CYFIP2: variants seen among roughly 807,000 people sequenced by gnomAD.
CYFIP2 encodes the protein cytoplasmic FMR1 interacting protein 2.
A neutral mutation model predicts 158.7 loss-of-function variants in CYFIP2; 29 were observed. The ratio of observed to expected loss-of-function variants is 0.18; its 90% CI spans 0.14 to 0.25. The LOEUF (loss-of-function observed/expected upper bound fraction) is 0.25. Among genes scored for constraint, CYFIP2 ranks in the 10% least tolerant of loss-of-function variants. CYFIP2 has a pLI of 1.00. For missense variants in CYFIP2, 852 were observed against 1,639.5 expected (o/e 0.52, Z 8.29); for synonymous variants, 585 against 617.6 (o/e 0.95, Z 0.78).
At chr5:157,270,178 G>A (rs1180182226) in intron 1 of CYFIP2, among the ~76,000 whole-genome samples, 1 of 152,222 alleles carries the variant, frequency 6.6e-6, no homozygotes, top group Non-Finnish European at 1.5e-5. Context: ...GACTTCATCA[G>A]TAGACCTTTT....
rs905620014 is a variant in CYFIP2, at chr5:157,395,077, C to T, written c.*2077C>T. ...TGAGATTTCTATTTCAATAACCCAC[C>T]TCTCTCACCCCACATTCATATCCCT... On this transcript the variant is annotated 3_prime_UTR_variant, in exon 31 of 31. Transcript: ENST00000620254. The T allele has an allele frequency of 1.3e-5, 2 of 155,844 alleles. No individual in the cohort carries two copies. The highest frequency in any genetic ancestry group is 2.8e-5 in the Non-Finnish European group (2 of 70,866). The allele number at this position is 155,844 out of a possible 1,614,324, so 9.7% of individuals were successfully genotyped here.
In CYFIP2 at chr5:157,325,547, A is replaced by G; in HGVS notation, c.1891A>G (p.Met631Val). ...WFREFFLELT[M>V]GRRIQFPIEM... is the part of the protein sequence containing the mutation. ...CCGAGAATTCTTCCTGGAGTTAACC[A>G]TGGGCCGACGAATCCAGTTCCCCAT... Residue 631 changes from methionine (M) to valine (V), a missense_variant, in exon 17 of 31, where the codon ATG becomes GTG. Around this residue, in one of 8 missense-constraint regions of CYFIP2, gnomAD observed 167 missense variants for 343.3 expected, o/e 0.49. Coordinates refer to ENST00000620254, the MANE Select transcript of CYFIP2 (RefSeq NM_001037333.3). The G allele has an allele frequency of 6.2e-7, 1 of 1,613,480 alleles. No individual in the cohort carries two copies. Among genetic ancestry groups the G allele is most frequent in the Non-Finnish European group, 8.5e-7 (1 of 1,179,688 alleles).
At chr5:157,389,164 G>T in intron 28 of CYFIP2, 25 bp from the exon 29 acceptor site, 1 of 1,579,170 alleles carries the variant, frequency 6.3e-7, no homozygotes. Flanking sequence ...GTGGATAGAA[G>T]GTGTATGTGC....
intron 15 of CYFIP2, chr5:157,323,020 T>G: frequency 6.5e-7 from 1 of 1,535,992 alleles, no homozygotes; most frequent in Non-Finnish European, 8.7e-7. Context: ...ATCCCTGGTA[T>G]CACACCGCCT....
In CYFIP2 at chr5:157,304,315, C is replaced by G; in HGVS notation, c.744C>G (p.Tyr248Ter). The change falls in exon 8 of 31, where the codon TAC becomes TAG. Residue 248 changes from tyrosine to a stop codon, truncating the protein, a stop_gained. Transcript: ENST00000620254. LOFTEE classifies it high-confidence loss of function. ...ACATTGTCAACATCTGTGTGGATTA[C>G]TACGAGAACAAGATGTACCTGACTC... ...LADIVNICVD[Y>*]YENKMYLTPS... The G allele has an allele frequency of 6.2e-7, 1 of 1,614,000 alleles. No individual in the cohort carries two copies. Among genetic ancestry groups the G allele is most frequent in the Non-Finnish European group, 8.5e-7 (1 of 1,179,894 alleles).
Position 157,294,870 on chromosome 5 carries a change from T to C in CYFIP2, c.285+10T>C. On this transcript the variant is annotated intron_variant, in intron 4 of 30. Transcript: ENST00000620254. The stretch of plus-strand genomic sequence containing the variant: ...CCGGGCCATTCCCCAGGTGAGACTG[T>C]CCTTGTTGTGTGTCTCTTTCCCCTC... 6 of 1,610,994 alleles carry C rather than the reference T, an allele frequency of 3.7e-6. No individual in the cohort carries two copies. The highest frequency in any genetic ancestry group is 5.1e-6 in the Non-Finnish European group (6 of 1,177,604).
intron 1 of CYFIP2, among the ~76,000 whole-genome samples, chr5:157,273,628 C>T (rs1303446493): frequency 6.6e-6 from 1 of 151,952 alleles, no homozygotes; most frequent in African/African-American, 2.4e-5. Flanking sequence ...CCTGCTATCC[C>T]CGTTGGTTTT....
At chr5:157,369,879 G>GTTTTGT (rs534240919) in intron 26 of CYFIP2, among the ~76,000 whole-genome samples, 20,420 of 102,818 alleles carry the variant, frequency 0.2, 2,067 homozygotes, top group Middle Eastern at 0.28. Flanking sequence ...AATGGACCTA[G>GTTTTGT]TTTTTTTTTT....
intron 26 of CYFIP2, 113 bp from the exon 27 acceptor site, chr5:157,382,477 C>A: frequency 9.3e-7 from 1 of 1,078,816 alleles, no homozygotes. Context: ...AGTAGAAGAG[C>A]CAGGATTTGA....
At chr5:157,369,273 A>C (rs1764749916) in intron 26 of CYFIP2, among the ~76,000 whole-genome samples, 1 of 152,236 alleles carries the variant, frequency 6.6e-6, no homozygotes, top group Admixed American at 6.5e-5. Context: ...AACATTTATC[A>C]GTTAAAGTTT....
At chr5:157,306,022 G>A (rs1581019971) in intron 8 of CYFIP2, among the ~76,000 whole-genome samples, 1 of 152,204 alleles carries the variant, frequency 6.6e-6, no homozygotes, top group East Asian at 1.9e-4. Context: ...TCTAACTTAT[G>A]CCCCACAGCT....
At chr5:157,310,061 T>C (rs978923842) in intron 10 of CYFIP2, among the ~76,000 whole-genome samples, 1 of 152,180 alleles carries the variant, frequency 6.6e-6, no homozygotes, top group African/African-American at 2.4e-5. Flanking sequence ...ACGCCCCTTG[T>C]CCAGCCCAGC....
In CYFIP2 at chr5:157,395,344, AAAT is replaced by A. The variant is rs1338181531; in HGVS notation, c.*2348_*2350del. 1 of 297,766 alleles carries A rather than the reference AAAT, an allele frequency of 3.4e-6. No homozygotes were observed. The highest frequency in any genetic ancestry group is 3.0e-5 in the South Asian group (1 of 33,540). 18.4% of individuals were successfully genotyped at this position (297,766 alleles called of 1,614,324 possible). On this transcript the variant is annotated 3_prime_UTR_variant, in exon 31 of 31. Transcript: ENST00000620254. ...AAGCTTAGGTTTTAAAAAGTTTTAA[AAAT>A]AATCTGTTTCAGAAACTGTCAAATG...
chr5:157,300,324 C>A (rs1303465895), intron 5 of CYFIP2, among the ~76,000 whole-genome samples: 1 of 151,948 alleles, frequency 6.6e-6, no homozygotes, highest in Non-Finnish European at 1.5e-5. Context: ...GTCACAAGGT[C>A]ACGAGATTGA....
chr5:157,344,251 G>A (rs1184204524), intron 23 of CYFIP2, among the ~76,000 whole-genome samples: 2 of 152,102 alleles, frequency 1.3e-5, no homozygotes, highest in African/African-American at 4.8e-5. Flanking sequence ...TATTATGAAT[G>A]TTAATCATGG....
At chr5:157,294,939 C>T in intron 4 of CYFIP2, 79 bp downstream of exon 4, 1 of 1,182,486 alleles carries the variant, frequency 8.5e-7, no homozygotes, top group Non-Finnish European at 1.2e-6. Context: ...AACCAGAGAG[C>T]TGAGCTTTTC....
At chr5:157,292,275 AATGGCACAATCTTGGCTCACCG>A (rs1013142210) in intron 3 of CYFIP2, among the ~76,000 whole-genome samples, 1 of 150,790 alleles carries the variant, frequency 6.6e-6, no homozygotes, top group African/African-American at 2.4e-5. Context: ...GCTGGAGTGC[AATGGCACAATCTTGGCTCACCG>A]CAACTTCCAC....
chr5:157,273,715 T>G (rs1756303484), intron 1 of CYFIP2, among the ~76,000 whole-genome samples: 1 of 152,078 alleles, frequency 6.6e-6, no homozygotes, highest in Non-Finnish European at 1.5e-5. Context: ...TACCCCCAGC[T>G]CTCTTTGTAC....
At chr5:157,376,906 A>G (rs192358554) in intron 26 of CYFIP2, 192 of 455,994 alleles carry the variant, frequency 4.2e-4, no homozygotes, top group African/African-American at 3.7e-3. Flanking sequence ...CACACATCAG[A>G]AATTTACCTT....
Sources: allele counts gnomAD v4.1 joint callset (sites outside exome capture counted in the v4.1 genomes callset), GRCh38; gene constraint gnomAD v4.1.1; regional missense constraint gnomAD v4.1.1; transcripts MANE v1.5; gene names NCBI Gene and HGNC (gene_info 2026-07-23, HGNC 2026-07-21).